EPS8: variants seen among roughly 807,000 people sequenced by gnomAD.
EPS8 encodes EGFR pathway substrate 8, signaling adaptor.
EPS8 carries 42 observed loss-of-function variants against 103.8 expected under a neutral mutation model. The observed-to-expected ratio is 0.40, with a 90% CI of 0.32 to 0.52. The LOEUF is 0.52. Among genes scored for constraint, EPS8 ranks in the 20% least tolerant of loss-of-function variants. The pLI, the probability that EPS8 is intolerant of heterozygous loss-of-function variation, is 0.40. For synonymous variants in EPS8, 344 were observed against 344.6 expected (o/e 1.00, Z 0.02); for missense variants, 969 against 1,005.1 (o/e 0.96, Z 0.49).
Position 15,666,522 on chromosome 12 carries a change from C to G in EPS8, c.517G>C (p.Ala173Pro). 2 of 1,611,792 alleles carry G rather than the reference C, an allele frequency of 1.2e-6. No homozygotes were observed. Among genetic ancestry groups the G allele is most frequent in the South Asian group, 2.2e-5 (2 of 90,976 alleles). ...TCAATATCTTCACTAATTAGGTTTGCCTGCAAAGAGACACAAGTTACCTGA... is the reference window on the plus strand; with the variant it reads ...TCAATATCTTCACTAATTAGGTTTGGCTGCAAAGAGACACAAGTTACCTGA... ...LHLFQCDEVK[A>P]NLISEDIESA... Residue 173 changes from alanine to proline, a missense_variant and splice_region_variant, in exon 7 of 21, where the codon GCA (alanine) becomes CCA (proline). Coordinates refer to ENST00000281172, the MANE Select transcript of EPS8 (RefSeq NM_004447.6).
At chr12:15,624,536 C>T in intron 18 of EPS8, 129 bp from the exon 19 acceptor site, 1 of 613,466 alleles carries the variant, frequency 1.6e-6, no homozygotes, top group Non-Finnish European at 2.7e-6. Flanking sequence ...CATCTTTCCT[C>T]ACTTTTATCC....
chr12:15,661,947 T>C (rs1249508177), intron 9 of EPS8, 79 bp downstream of exon 9: 3 of 1,028,830 alleles, frequency 2.9e-6, no homozygotes, highest in East Asian at 4.8e-5. Context: ...TCTATTTAAA[T>C]CAGCTTCATT....
Position 15,690,480 on chromosome 12 carries a change from C to G in EPS8, c.-21-7508G>C, listed in dbSNP as rs747428144. On this transcript the variant is annotated intron_variant, in intron 1 of 20. Transcript: ENST00000281172. This position sits in a 1 kb window ranked among gnomAD's most constrained non-coding sequence, Gnocchi z 4.7. The stretch of plus-strand genomic sequence containing the variant: ...TGATAGTCACTATTTCTTATCTCAA[C>G]TTCCTCTCTTCCTGCCTGCCATAAT... Among the ~76,000 whole-genome samples, 2 of 152,070 alleles carry G rather than the reference C, an allele frequency of 1.3e-5. No homozygotes were observed. The highest frequency in any genetic ancestry group is 2.4e-5 in the African/African-American group (1 of 41,444).
Position 15,698,308 on chromosome 12 carries a change from TAATA to T in EPS8, c.-21-15340_-21-15337del, listed in dbSNP as rs1946267487. Among the ~76,000 whole-genome samples the T allele has an allele frequency of 6.6e-6, 1 of 152,160 alleles. No individual in the cohort carries two copies. Among genetic ancestry groups the T allele is most frequent in the South Asian group, 2.1e-4 (1 of 4,828 alleles). Reference sequence around the variant, plus strand: ...TCTAAAAGTAATTTTAAAATCTTACTAATAAATATTTTAACCAAGTAAGTTAAAA... The same window carrying T: ...TCTAAAAGTAATTTTAAAATCTTACTAATATTTTAACCAAGTAAGTTAAAA... On this transcript the variant is annotated intron_variant, in intron 1 of 20. Coordinates refer to ENST00000281172, the MANE Select transcript of EPS8 (RefSeq NM_004447.6). The surrounding 1 kb of genome is among the most constrained non-coding windows in gnomAD (Gnocchi z 4.9).
intron 3 of EPS8, among the ~76,000 whole-genome samples, chr12:15,673,102 A>G (rs7967012): frequency 0.87 from 132,144 of 152,166 alleles, 60,327 homozygotes; most frequent in Non-Finnish European, 1. Context: ...ATTTACAGAA[A>G]TGAGAAGAAA....
intron 8 of EPS8, among the ~76,000 whole-genome samples, chr12:15,663,866 A>T (rs1945650197): frequency 6.8e-6 from 1 of 147,018 alleles, no homozygotes; most frequent in Non-Finnish European, 1.5e-5. Context: ...GGTTGCAGTA[A>T]GCTGAGATCG....
intron 1 of EPS8, among the ~76,000 whole-genome samples, chr12:15,718,695 A>G (rs530138528): frequency 6.6e-6 from 1 of 152,200 alleles, no homozygotes; most frequent in South Asian, 2.1e-4. Flanking sequence ...CTAGCTGGAC[A>G]TGTTGGTGAA....
At chr12:15,637,527 C>T (rs777234120) in intron 17 of EPS8, among the ~76,000 whole-genome samples, 4 of 152,304 alleles carry the variant, frequency 2.6e-5, no homozygotes, top group African/African-American at 7.2e-5. Flanking sequence ...TTTGGATTTG[C>T]GAAGTGCTCA....
In EPS8 at chr12:15,660,583, G is replaced by A. The variant is rs771113851; in HGVS notation, c.937+31C>T. 3.8e-6 allele frequency: 4 copies of A among 1,042,720 alleles called. No homozygotes were observed. In the Admixed American group the frequency reaches 5.1e-5, roughly 13 times the overall value. The allele number at this position is 1,042,720 out of a possible 1,614,324, so 64.6% of individuals were successfully genotyped here. ...CCAGCCAGTACTGGAGATCTAACCA[G>A]GCATTAGAAGATTAAGAAAATCCAA... On this transcript the variant is annotated intron_variant, in intron 10 of 20. Coordinates refer to ENST00000281172, the MANE Select transcript of EPS8 (RefSeq NM_004447.6).
chr12:15,675,684 CAAAGTT>C (rs548670333), intron 3 of EPS8, among the ~76,000 whole-genome samples: 287 of 152,328 alleles, frequency 1.9e-3, no homozygotes, highest in African/African-American at 6.6e-3. Context: ...AATAAAATCT[CAAAGTT>C]AACTGTAGGT....
rs1418061598 is a variant in EPS8 at position 15,777,420 on chromosome 12, C to CA, written c.-22+11740dup. Among the ~76,000 whole-genome samples the CA allele has an allele frequency of 3.9e-5, 6 of 152,112 alleles. No homozygotes were observed. The highest frequency in any genetic ancestry group is 8.8e-5 in the Non-Finnish European group (6 of 68,006). On this transcript the variant is annotated intron_variant, in intron 1 of 20. Coordinates refer to ENST00000281172, the MANE Select transcript of EPS8 (RefSeq NM_004447.6). This position sits in a 1 kb window ranked among gnomAD's most constrained non-coding sequence, Gnocchi z 4.7. ...TCCAGTTAAAGTTAAGCACTGTTAA[C>CA]ACATTTATTCCGGACTAGATTTCAC...
rs1465534354 is a variant in EPS8 at position 15,641,806 on chromosome 12, T to A, written c.1593A>T (p.Gln531His). ...ACTTGGATTTGGCATATTTCTTGGG[T>A]TGTGTTTTGAGTGGTTCATAATTTC... ...IDRNYEPLKTQPKKYAKSKYD... is the reference protein window; with the variant it reads ...IDRNYEPLKTHPKKYAKSKYD... The change falls in exon 16 of 21, where the codon CAA (glutamine) becomes CAT (histidine). Residue 531 changes from glutamine (Q) to histidine (H), a missense_variant. Gln to His is a conservative substitution (Grantham distance 24). Transcript: ENST00000281172. The A allele has an allele frequency of 1.3e-6, 2 of 1,594,492 alleles. No homozygotes were observed. The highest frequency in any genetic ancestry group is 3.4e-5 in the Admixed American group (2 of 58,854).
At chr12:15,662,656 A>T (rs1945626168) in intron 8 of EPS8, 14 of 985,412 alleles carry the variant, frequency 1.4e-5, no homozygotes, top group Non-Finnish European at 1.7e-5. Context: ...AAATTTTCAC[A>T]TTAAAAAATA....
In EPS8 at chr12:15,747,312, G is replaced by C. The variant is rs556756631; in HGVS notation, c.-22+41849C>G. On this transcript the variant is annotated intron_variant, in intron 1 of 20. Coordinates refer to ENST00000281172, the MANE Select transcript of EPS8 (RefSeq NM_004447.6). This position sits in a 1 kb window ranked among gnomAD's most constrained non-coding sequence, Gnocchi z 4.4. ...TAAGTGCATGGTCTAATTTATTAATGGTAAGCTGAAGTGGATACTATATAT... is the reference window on the plus strand; with the variant it reads ...TAAGTGCATGGTCTAATTTATTAATCGTAAGCTGAAGTGGATACTATATAT... Among the ~76,000 whole-genome samples the C allele has an allele frequency of 6.6e-6, 1 of 152,202 alleles. No individual in the cohort carries two copies. The highest frequency in any genetic ancestry group is 2.1e-4 in the South Asian group (1 of 4,822).
chr12:15,681,110 T>A (rs1227827005), intron 3 of EPS8, 116 bp downstream of exon 3: 1 of 417,126 alleles, frequency 2.4e-6, no homozygotes, highest in African/African-American at 2.1e-5. Context: ...TATTTAGCTA[T>A]CACTGCCTCA....
chr12:15,685,473 GGTTT>G (rs1946080052), intron 1 of EPS8, among the ~76,000 whole-genome samples: 6 of 152,086 alleles, frequency 3.9e-5, no homozygotes, highest in African/African-American at 1.4e-4. Context: ...CACAGCAGCT[GGTTT>G]TAATGAAAAG....
At chr12:15,720,487 A>G (rs1946583168) in intron 1 of EPS8, among the ~76,000 whole-genome samples, 1 of 152,142 alleles carries the variant, frequency 6.6e-6, no homozygotes, top group Non-Finnish European at 1.5e-5. Flanking sequence ...TAAGAACATA[A>G]TGGTCACACT....
intron 1 of EPS8, among the ~76,000 whole-genome samples, chr12:15,773,931 T>C (rs1947180898): frequency 1.3e-5 from 2 of 152,158 alleles, no homozygotes; most frequent in East Asian, 3.8e-4. Flanking sequence ...TTTGTGACTT[T>C]AATAAACATA....
chr12:15,657,239 C>T (rs1036096558), intron 12 of EPS8, among the ~76,000 whole-genome samples: 4 of 152,142 alleles, frequency 2.6e-5, no homozygotes, highest in Admixed American at 6.6e-5. Flanking sequence ...AACTATTCTT[C>T]GTCTGGAATT....
Sources: allele counts gnomAD v4.1 joint callset (sites outside exome capture counted in the v4.1 genomes callset), GRCh38; gene constraint gnomAD v4.1.1; non-coding constraint Gnocchi (gnomAD v3.1); transcripts MANE v1.5; gene names NCBI Gene and HGNC (gene_info 2026-07-23, HGNC 2026-07-21).